Variants in LTA observed in about 807,000 individuals in gnomAD.
LTA encodes lymphotoxin-alpha.
In LTA, 6 loss-of-function variants were observed where a neutral mutation model predicts 15.1. The observed-to-expected ratio is 0.40, with a 90% CI of 0.22 to 0.78. LTA has a LOEUF of 0.78. LTA is among the 30% of genes least tolerant of loss of function. The probability of loss-of-function intolerance (pLI) is 0.38; values close to 1 mark genes in which losing one functional copy is unlikely to be tolerated. For missense variants in LTA, 173 were observed against 249.5 expected (o/e 0.69, Z 2.06); for synonymous variants, 87 against 107.3 (o/e 0.81, Z 1.17).
the LTA span, among the ~76,000 whole-genome samples, chr6:31,562,859 CAAAA>C: frequency 1.7e-4 from 16 of 93,462 alleles, no homozygotes; most frequent in Admixed American, 2.5e-4. Flanking sequence ...GACTCAGTCT[CAAAA>C]AAAAAAAAAA....
upstream of LTA, among the ~76,000 whole-genome samples, chr6:31,567,645 AACACACAC>A (rs9279356): frequency 0.077 from 9,432 of 122,008 alleles, 373 homozygotes; most frequent in African/African-American, 0.1. Flanking sequence ...TCTCCCCTGC[AACACACAC>A]ACACACACAC....
the LTA span, among the ~76,000 whole-genome samples, chr6:31,562,456 C>T: frequency 3.9e-5 from 6 of 151,944 alleles, no homozygotes; most frequent in African/African-American, 4.8e-5. Context: ...AGACATCACA[C>T]GAAAACGGAA....
At position 31,573,714 on chromosome 6, in the gene LTA, G is replaced by GA; in HGVS notation, c.*27dup. On this transcript the variant is annotated 3_prime_UTR_variant, in exon 4 of 4. Transcript: ENST00000418386. ...TGTAGAACTTGGAAAAATCCAGAAA[G>GA]AAAAAATAATTGATTTCAAGACCTT... 6.2e-7 allele frequency: 1 copy of GA among 1,612,882 alleles called. No individual in the cohort carries two copies. The highest frequency in any genetic ancestry group is 1.7e-5 in the Admixed American group (1 of 59,872).
At chr6:31,561,139 G>A in the LTA span, among the ~76,000 whole-genome samples, 17 of 152,106 alleles carry the variant, frequency 1.1e-4, no homozygotes, top group African/African-American at 4.1e-4. Context: ...GGAAAGGAGC[G>A]TCCTGAGGGA....
chr6:31,561,106 G>T, the LTA span, among the ~76,000 whole-genome samples: 1 of 152,308 alleles, frequency 6.6e-6, no homozygotes, highest in East Asian at 1.9e-4. Flanking sequence ...AGCCTGACAA[G>T]TCAGAAAATG....
chr6:31,569,249 T>C (rs1488216128), upstream of LTA, among the ~76,000 whole-genome samples: 1 of 152,136 alleles, frequency 6.6e-6, no homozygotes, highest in Non-Finnish European at 1.5e-5. Context: ...GACCTTGTGA[T>C]CTGCTCGCCT....
the LTA span, among the ~76,000 whole-genome samples, chr6:31,566,657 A>T: frequency 4.1e-5 from 6 of 147,196 alleles, no homozygotes; most frequent in Non-Finnish European, 8.9e-5. Context: ...AAAAAAAAAA[A>T]AAAGGCTGGG....
At position 31,573,497 on chromosome 6, in the gene LTA, A is replaced by C. The variant is rs201957060; in HGVS notation, c.422A>C (p.Gln141Pro). 6.8e-6 allele frequency: 11 copies of C among 1,614,026 alleles called. No individual in the cohort carries two copies. In the Admixed American group the frequency reaches 1.7e-4, roughly 24 times the overall value. Reference sequence around the variant, plus strand: ...CATGAGGTCCAGCTCTTCTCCTCCCAGTACCCCTTCCATGTGCCTCTCCTC... The same window carrying C: ...CATGAGGTCCAGCTCTTCTCCTCCCCGTACCCCTTCCATGTGCCTCTCCTC... The part of the protein sequence containing the change: ...LAHEVQLFSS[Q>P]YPFHVPLLSS... Residue 141 changes from glutamine to proline, a missense_variant, in exon 4 of 4, where the codon CAG becomes CCG. Gln to Pro is a moderately conservative substitution (Grantham distance 76). Coordinates refer to ENST00000418386, the MANE Select transcript of LTA (RefSeq NM_000595.4).
rs1325992410 is a variant in LTA at position 31,573,404 on chromosome 6, A to G, written c.329A>G (p.Tyr110Cys). 4 of 1,613,390 alleles carry G rather than the reference A, an allele frequency of 2.5e-6. No homozygotes were observed. Among genetic ancestry groups the G allele is most frequent in the Non-Finnish European group, 3.4e-6 (4 of 1,179,894 alleles). Reference protein sequence around the residue: ...LVPTSGIYFVYSQVVFSGKAY... With the variant: ...LVPTSGIYFVCSQVVFSGKAY... ...CCCACCAGTGGCATCTACTTCGTCT[A>G]CTCCCAGGTGGTCTTCTCTGGGAAA... Residue 110 changes from tyrosine to cysteine, a missense_variant, in exon 4 of 4, where the codon TAC becomes TGC. Tyr to Cys is a radical substitution (Grantham distance 194). Coordinates refer to ENST00000418386, the MANE Select transcript of LTA (RefSeq NM_000595.4).
At chr6:31,573,153 A>G in intron 3 of LTA, 120 bp downstream of exon 3, 1 of 1,106,358 alleles carries the variant, frequency 9.0e-7, no homozygotes. Context: ...AAACAGAGGG[A>G]GCCCACTCCT....
the LTA span, among the ~76,000 whole-genome samples, chr6:31,561,607 C>T: frequency 6.6e-6 from 1 of 151,988 alleles, no homozygotes; most frequent in South Asian, 2.1e-4. Context: ...ACAAGAATCA[C>T]TTGAACCCGG....
the LTA span, among the ~76,000 whole-genome samples, chr6:31,562,120 C>CG: frequency 6.7e-6 from 1 of 148,324 alleles, no homozygotes; most frequent in Non-Finnish European, 1.5e-5. Context: ...GCACGGGGGG[C>CG]GGGGGATGCC....
At chr6:31,570,997 A>C (rs975819782), upstream of LTA, among the ~76,000 whole-genome samples, 2 of 152,012 alleles carry the variant, frequency 1.3e-5, no homozygotes, top group African/African-American at 4.8e-5. Context: ...TCAGCTGTAC[A>C]CTTAAGAGGT....
chr6:31,573,134 C>G (rs1458089767), intron 3 of LTA, 101 bp downstream of exon 3: 1 of 1,208,344 alleles, frequency 8.3e-7, no homozygotes, highest in East Asian at 2.5e-5. Context: ...ACTTCCCCCA[C>G]GCTAAAAAAA....
chr6:31,573,344 A>ACCG lies in LTA; in HGVS notation c.269_270insCCG (p.Asp90_Gly91insArg). ...AACACGGACCGTGCCTTCCTCCAGG[A>ACCG]TGGTTTCTCCTTGAGCAACAATTCT... On this transcript the variant is annotated inframe_insertion, in exon 4 of 4. Transcript: ENST00000418386. 1 of 1,613,922 alleles carries ACCG rather than the reference A, an allele frequency of 6.2e-7. No individual in the cohort carries two copies. Among genetic ancestry groups the ACCG allele is most frequent in the Non-Finnish European group, 8.5e-7 (1 of 1,179,968 alleles).
the LTA span, among the ~76,000 whole-genome samples, chr6:31,561,601 G>A: frequency 6.6e-6 from 1 of 151,888 alleles, no homozygotes; most frequent in Non-Finnish European, 1.5e-5. Context: ...TGAGGCACAA[G>A]AATCACTTGA....
chr6:31,570,679 G>T (rs989481660), upstream of LTA, among the ~76,000 whole-genome samples: 1 of 151,998 alleles, frequency 6.6e-6, no homozygotes, highest in Non-Finnish European at 1.5e-5. Flanking sequence ...GAATATATTA[G>T]AATATATTGA....
chr6:31,574,022 T>C lies in LTA; in HGVS notation c.*329T>C. On this transcript the variant is annotated 3_prime_UTR_variant, in exon 4 of 4. Coordinates refer to ENST00000418386, the MANE Select transcript of LTA (RefSeq NM_000595.4). ...GGAAGAGCAGGCACATGGAGGAGCTTGGGGGATGACTAGAGGCAGGGAGGG... is the reference window on the plus strand; with the variant it reads ...GGAAGAGCAGGCACATGGAGGAGCTCGGGGGATGACTAGAGGCAGGGAGGG... The C allele has an allele frequency of 1.9e-6, 1 of 526,630 alleles. No homozygotes were observed. The highest frequency in any genetic ancestry group is 3.4e-6 in the Non-Finnish European group (1 of 291,258). 32.6% of individuals were successfully genotyped at this position (526,630 alleles called of 1,614,324 possible).
At chr6:31,569,609 A>G (rs1477843988), upstream of LTA, among the ~76,000 whole-genome samples, 2 of 152,154 alleles carry the variant, frequency 1.3e-5, no homozygotes, top group Non-Finnish European at 2.9e-5. Flanking sequence ...CCTGGCCAAC[A>G]TGGTGAGACC....
Sources: gnomAD v4.1 joint callset for allele counts (sites outside exome capture counted in the v4.1 genomes callset) on GRCh38, gnomAD v4.1.1 for gene constraint, MANE v1.5 for transcripts, NCBI Gene and HGNC (gene_info 2026-07-23, HGNC 2026-07-21) for gene names.